Variants in ARHGEF7 observed in about 807,000 individuals in gnomAD.
ARHGEF7 encodes PAK-interacting exchange factor beta.
In ARHGEF7, 33 loss-of-function variants were observed where a neutral mutation model predicts 109.8. The observed-to-expected ratio is 0.30, with a 90% CI of 0.23 to 0.40. The LOEUF (loss-of-function observed/expected upper bound fraction) is 0.40. ARHGEF7 is among the 10% of genes least tolerant of loss of function. The pLI is 1.00. For synonymous variants in ARHGEF7, 458 were observed against 424.6 expected, an observed-to-expected ratio of 1.08 and a Z score of -0.97; for missense variants, 938 against 1,098.5, an observed-to-expected ratio of 0.85 and a Z score of 2.07.
At chr13:111,234,670 T>G (rs2086557141) in intron 6 of ARHGEF7, among the ~76,000 whole-genome samples, 1 of 152,246 alleles carries the variant, frequency 6.6e-6, no homozygotes, top group African/African-American at 2.4e-5. Context: ...TCCTTGTATT[T>G]GGTCAACTCC....
chr13:111,202,616 T>C (rs1045208657), intron 2 of ARHGEF7, among the ~76,000 whole-genome samples: 3 of 152,246 alleles, frequency 2.0e-5, no homozygotes, highest in African/African-American at 7.2e-5. Flanking sequence ...ACACTTGTTT[T>C]AATAACCCTA....
intron 1 of ARHGEF7, among the ~76,000 whole-genome samples, chr13:111,141,249 A>G (rs2075331569): frequency 6.6e-6 from 1 of 152,154 alleles, no homozygotes; most frequent in Non-Finnish European, 1.5e-5. Context: ...TAGCCACTGT[A>G]TAATATCATG....
Position 111,131,461 on chromosome 13 carries a change from C to T in ARHGEF7, c.165+15770C>T, listed in dbSNP as rs570156271. Among the ~76,000 whole-genome samples, 1 of 152,080 alleles carries T rather than the reference C, an allele frequency of 6.6e-6. No individual in the cohort carries two copies. ...GCATAGAGCTGTTGGAGCTTAGAGGCCCCCTGGACTGAAGCATACACGTGG... is the reference window on the plus strand; with the variant it reads ...GCATAGAGCTGTTGGAGCTTAGAGGTCCCCTGGACTGAAGCATACACGTGG... On this transcript the variant is annotated intron_variant, in intron 1 of 21. Transcript: ENST00000646102. This position sits in a 1 kb window ranked among gnomAD's most constrained non-coding sequence, Gnocchi z 4.4.
chr13:111,152,633 A>C (rs1400561140), intron 1 of ARHGEF7, among the ~76,000 whole-genome samples: 1 of 152,180 alleles, frequency 6.6e-6, no homozygotes, highest in East Asian at 1.9e-4. Flanking sequence ...AGCCTGGTGA[A>C]ATGTCGTGAT....
At chr13:111,275,799 T>C (rs930911974) in intron 12 of ARHGEF7, 121 bp downstream of exon 12, 2 of 1,283,870 alleles carry the variant, frequency 1.6e-6, no homozygotes, top group Non-Finnish European at 2.2e-6. Flanking sequence ...TCTTATAATT[T>C]GTGAGCTACT....
chr13:111,178,967 C>T (rs1247755170), intron 2 of ARHGEF7, among the ~76,000 whole-genome samples: 1 of 151,184 alleles, frequency 6.6e-6, no homozygotes, highest in East Asian at 1.9e-4. Context: ...CGTCCCCCCC[C>T]TTTTTTTTTG....
At chr13:111,153,863 G>C in intron 1 of ARHGEF7, 42 bp from the exon 2 acceptor site, 1 of 1,576,776 alleles carries the variant, frequency 6.3e-7, no homozygotes, top group Non-Finnish European at 8.6e-7. Flanking sequence ...CGGCGTCCCC[G>C]CTGCCGGCCA....
Position 111,266,680 on chromosome 13 carries a change from T to A in ARHGEF7, c.951-868T>A, listed in dbSNP as rs902537248. On this transcript the variant is annotated intron_variant, in intron 8 of 21. Coordinates refer to ENST00000646102, the MANE Select transcript of ARHGEF7 (RefSeq NM_001354046.2). This position sits in a 1 kb window ranked among gnomAD's most constrained non-coding sequence, Gnocchi z 4.8. ...TGTTTTCTGTAGGAATCCCTGGTGT[T>A]CATGTTTTTGGTCACTTTTTCTCTG... 1 of 393,884 alleles carries A rather than the reference T, an allele frequency of 2.5e-6. No homozygotes were observed. The highest frequency in any genetic ancestry group is 2.1e-5 in the African/African-American group (1 of 48,636). 24.4% of individuals were successfully genotyped at this position (393,884 alleles called of 1,614,324 possible). A position where few individuals can be genotyped will look rare whatever the true frequency, so the allele number is the denominator to read the frequency against.
At chr13:111,164,090 A>T (rs961461908) in intron 2 of ARHGEF7, among the ~76,000 whole-genome samples, 4 of 152,148 alleles carry the variant, frequency 2.6e-5, no homozygotes, top group Admixed American at 2.0e-4. Context: ...AAATACGGTG[A>T]TCTTTGAAAT....
chr13:111,153,682 A>AGGG lies in ARHGEF7; in HGVS notation c.166-221_166-219dup, dbSNP rs1389284643. On this transcript the variant is annotated intron_variant, in intron 1 of 21. Coordinates refer to ENST00000646102, the MANE Select transcript of ARHGEF7 (RefSeq NM_001354046.2). ...CCGGGGCTCACTTCCTGGTGCGGGA[A>AGGG]GGGGCAGAGATTGGTGCAGCCCCGG... 4 of 1,237,974 alleles carry AGGG rather than the reference A, an allele frequency of 3.2e-6. No homozygotes were observed. The East Asian group carries it at 1.1e-4, about 35-fold the overall frequency. The allele number at this position is 1,237,974 out of a possible 1,614,324, so 76.7% of individuals were successfully genotyped here.
At position 111,274,718 on chromosome 13, in the gene ARHGEF7, C is replaced by A; in HGVS notation, c.1213-13C>A. ...CCTTATGAAAGCTAATTGTATGTTT[C>A]TTTTACTCAAAGGATTATCATACAG... On this transcript the variant is annotated splice_polypyrimidine_tract_variant and intron_variant, in intron 10 of 21. Transcript: ENST00000646102. The A allele has an allele frequency of 2.1e-6, 3 of 1,450,486 alleles. No homozygotes were observed. The highest frequency in any genetic ancestry group is 1.4e-5 in the South Asian group (1 of 69,026). The allele number at this position is 1,450,486 out of a possible 1,614,324, so 89.9% of individuals were successfully genotyped here.
intron 18 of ARHGEF7, among the ~76,000 whole-genome samples, chr13:111,291,912 T>C (rs2093299264): frequency 6.6e-6 from 1 of 152,238 alleles, no homozygotes; most frequent in African/African-American, 2.4e-5. Context: ...AGTTTTATTC[T>C]AAGGGTTTTG....
chr13:111,156,793 TA>T (rs2076372560), intron 2 of ARHGEF7, among the ~76,000 whole-genome samples: 1 of 152,250 alleles, frequency 6.6e-6, no homozygotes, highest in African/African-American at 2.4e-5. Context: ...GGGAAATTGA[TA>T]AGAAATGTTT....
At chr13:111,161,990 C>T (rs750543682) in intron 2 of ARHGEF7, among the ~76,000 whole-genome samples, 1 of 152,218 alleles carries the variant, frequency 6.6e-6, no homozygotes, top group Non-Finnish European at 1.5e-5. Context: ...ATGGACATTT[C>T]TGTACCACAC....
rs773350698 is a variant in ARHGEF7, at chr13:111,275,634, G to A, written c.1375G>A (p.Val459Ile). 1.2e-5 allele frequency: 20 copies of A among 1,614,040 alleles called. No individual in the cohort carries two copies. The highest frequency in any genetic ancestry group is 1.0e-4 in the Admixed American group (6 of 60,004). The change falls in exon 12 of 22, where the codon GTC becomes ATC. Residue 459 changes from valine (V) to isoleucine (I), a missense_variant. Transcript: ENST00000646102. Reference protein sequence around the residue: ...EGDDIKTLGNVTYMSQVLIQC... With the variant: ...EGDDIKTLGNITYMSQVLIQC... ...CGATGACATTAAAACTCTGGGCAAC[G>A]TCACTTACATGTCCCAGGTCCTGAT... is the stretch of plus-strand genomic sequence containing the variant.
intron 8 of ARHGEF7, among the ~76,000 whole-genome samples, chr13:111,250,480 A>G (rs1389478663): frequency 6.6e-6 from 1 of 152,248 alleles, no homozygotes; most frequent in Non-Finnish European, 1.5e-5. Context: ...GAAAGAAATC[A>G]TATCAGGCAC....
chr13:111,198,800 C>A (rs900399215), intron 2 of ARHGEF7, among the ~76,000 whole-genome samples: 1 of 152,102 alleles, frequency 6.6e-6, no homozygotes, highest in African/African-American at 2.4e-5. Context: ...GCTTTTATTC[C>A]CTTATTTGGC....
At chr13:111,244,894 T>C (rs1414274718) in intron 8 of ARHGEF7, among the ~76,000 whole-genome samples, 4 of 152,362 alleles carry the variant, frequency 2.6e-5, no homozygotes, top group Admixed American at 6.5e-5. Context: ...CTTCAGGATT[T>C]GACAAACTCT....
At chr13:111,276,000 A>T in intron 12 of ARHGEF7, 1 of 305,194 alleles carries the variant, frequency 3.3e-6, no homozygotes, top group South Asian at 3.5e-5. Flanking sequence ...GTATGCGCTT[A>T]TCTGGCCAGC....
Sources: allele counts gnomAD v4.1 joint callset (sites outside exome capture counted in the v4.1 genomes callset), GRCh38; gene constraint gnomAD v4.1.1; non-coding constraint Gnocchi (gnomAD v3.1); transcripts MANE v1.5; gene names NCBI Gene and HGNC (gene_info 2026-07-23, HGNC 2026-07-21).